Variants in MB21D2 observed in about 807,000 individuals in gnomAD.
MB21D2 encodes Mab-21 domain containing 2.
Under a neutral mutation model 33.3 loss-of-function variants are expected in MB21D2, and 9 were observed. The ratio of observed to expected loss-of-function variants is 0.27; its 90% CI spans 0.16 to 0.47. The LOEUF is 0.47. MB21D2 is among the 20% of genes least tolerant of loss of function. The probability of loss-of-function intolerance (pLI) is 0.99; values close to 1 mark genes in which losing one functional copy is unlikely to be tolerated. For synonymous variants in MB21D2, 241 were observed against 236.3 expected (o/e 1.02, Z -0.18); for missense variants, 540 against 624.6 (o/e 0.86, Z 1.44).
chr3:192,883,119 C>T (rs559103246), intron 1 of MB21D2, among the ~76,000 whole-genome samples: 20 of 152,178 alleles, frequency 1.3e-4, no homozygotes, highest in African/African-American at 3.6e-4. Flanking sequence ...CCACCCGTCT[C>T]GGCCTCCCAA....
intron 1 of MB21D2, among the ~76,000 whole-genome samples, chr3:192,864,858 C>T (rs1005606727): frequency 2.0e-5 from 3 of 152,158 alleles, no homozygotes; most frequent in African/African-American, 7.2e-5. Context: ...TCACCCAGAG[C>T]ACTGTTATTT....
At chr3:192,878,200 C>T (rs1245152746) in intron 1 of MB21D2, among the ~76,000 whole-genome samples, 3 of 147,542 alleles carry the variant, frequency 2.0e-5, no homozygotes, top group East Asian at 2.0e-4. Flanking sequence ...CGCGGGTTCA[C>T]GCCCTCCTCT....
intron 1 of MB21D2, among the ~76,000 whole-genome samples, chr3:192,818,982 C>T (rs1020929815): frequency 2.9e-5 from 3 of 104,972 alleles, no homozygotes; most frequent in African/African-American, 1.7e-4. Context: ...ATCCGAGAGG[C>T]AGGAATTGAG....
chr3:192,900,425 A>G (rs1714071115), intron 1 of MB21D2, among the ~76,000 whole-genome samples: 1 of 152,180 alleles, frequency 6.6e-6, no homozygotes, highest in Non-Finnish European at 1.5e-5. Context: ...GTTGTCATGA[A>G]AGCCAAGGGA....
chr3:192,896,366 GC>G (rs1216802846), intron 1 of MB21D2, among the ~76,000 whole-genome samples: 1 of 151,902 alleles, frequency 6.6e-6, no homozygotes, highest in Non-Finnish European at 1.5e-5. Context: ...AGCGTCCTTC[GC>G]CTTTTTTTGT....
At chr3:192,868,088 C>A (rs1713207412) in intron 1 of MB21D2, among the ~76,000 whole-genome samples, 1 of 152,150 alleles carries the variant, frequency 6.6e-6, no homozygotes, top group South Asian at 2.1e-4. Context: ...TTATTTTAAG[C>A]CACTAAGTTT....
intron 1 of MB21D2, among the ~76,000 whole-genome samples, chr3:192,835,272 G>A (rs1285405094): frequency 6.7e-6 from 1 of 150,166 alleles, no homozygotes; most frequent in Non-Finnish European, 1.5e-5. Flanking sequence ...GGCTAGCACG[G>A]TGAAACACCG....
intron 1 of MB21D2, among the ~76,000 whole-genome samples, chr3:192,910,456 C>G (rs1387296922): frequency 1.3e-5 from 2 of 152,060 alleles, no homozygotes; most frequent in Admixed American, 6.6e-5. Context: ...CCAGCCTGGG[C>G]AACAGAGTGA....
At chr3:192,903,486 T>C (rs1714145087) in intron 1 of MB21D2, among the ~76,000 whole-genome samples, 1 of 152,194 alleles carries the variant, frequency 6.6e-6, no homozygotes, top group Non-Finnish European at 1.5e-5. Context: ...TTGAAAAAAG[T>C]TCATAGTTAT....
At chr3:192,813,180 G>A (rs939742339) in intron 1 of MB21D2, among the ~76,000 whole-genome samples, 3 of 152,096 alleles carry the variant, frequency 2.0e-5, no homozygotes, top group African/African-American at 4.8e-5. Context: ...GATCATCTAG[G>A]TTGAGCCAAG....
chr3:192,838,077 T>C (rs1252654688), intron 1 of MB21D2, among the ~76,000 whole-genome samples: 1 of 152,238 alleles, frequency 6.6e-6, no homozygotes, highest in Non-Finnish European at 1.5e-5. Context: ...ACATCACTCG[T>C]GGCTGGAGCT....
At chr3:192,828,615 T>TTTTGAG (rs1712238507) in intron 1 of MB21D2, among the ~76,000 whole-genome samples, 1 of 9,208 alleles carries the variant, frequency 1.1e-4, no homozygotes, top group Non-Finnish European at 1.8e-4. Flanking sequence ...TATATATATA[T>TTTTGAG]ATATATATAT....
intron 1 of MB21D2, among the ~76,000 whole-genome samples, chr3:192,820,911 G>A (rs1406865421): frequency 6.6e-6 from 1 of 152,056 alleles, no homozygotes; most frequent in Non-Finnish European, 1.5e-5. Flanking sequence ...ACTACAGGCG[G>A]TGCCACCACA....
At chr3:192,912,252 C>T (rs986604923) in intron 1 of MB21D2, among the ~76,000 whole-genome samples, 1 of 152,114 alleles carries the variant, frequency 6.6e-6, no homozygotes, top group African/African-American at 2.4e-5. Context: ...AGTTTTTGTT[C>T]ACCATTTTAT....
chr3:192,917,773 G>T lies in MB21D2; in HGVS notation c.68C>A (p.Pro23Gln). The T allele has an allele frequency of 1.2e-6, 2 of 1,613,842 alleles. No homozygotes were observed. Residue 23 changes from proline to glutamine, a missense_variant, in exon 1 of 2, where the codon CCG (proline) becomes CAG (glutamine). Coordinates refer to ENST00000392452, the MANE Select transcript of MB21D2 (RefSeq NM_178496.4). ...SLGCNNKPAFPELDFRSGARV... is the reference protein window; with the variant it reads ...SLGCNNKPAFQELDFRSGARV... ...AGCTCCCGACCTGAAATCCAGCTCC[G>T]GGAACGCAGGCTTGTTGTTACAGCC...
intron 1 of MB21D2, among the ~76,000 whole-genome samples, chr3:192,909,678 C>G (rs555844179): frequency 6.6e-6 from 1 of 152,188 alleles, no homozygotes; most frequent in Non-Finnish European, 1.5e-5. Flanking sequence ...CGCCTGTAAT[C>G]CCAGCACTTT....
At chr3:192,871,456 A>G (rs1395443471) in intron 1 of MB21D2, among the ~76,000 whole-genome samples, 1 of 152,216 alleles carries the variant, frequency 6.6e-6, no homozygotes, top group South Asian at 2.1e-4. Context: ...AGAACACAGA[A>G]TAACACAGAG....
At chr3:192,889,684 GC>G (rs1482543323) in intron 1 of MB21D2, among the ~76,000 whole-genome samples, 2 of 151,982 alleles carry the variant, frequency 1.3e-5, no homozygotes, top group Admixed American at 1.3e-4. Context: ...TGACTCTCAA[GC>G]CCAAGCCAAA....
At chr3:192,903,166 A>C (rs1307011141) in intron 1 of MB21D2, among the ~76,000 whole-genome samples, 1 of 152,250 alleles carries the variant, frequency 6.6e-6, no homozygotes, top group Admixed American at 6.5e-5. Flanking sequence ...CTGTCTTCAA[A>C]GTCAGCAGAA....
Sources: gnomAD v4.1 joint callset for allele counts (sites outside exome capture counted in the v4.1 genomes callset) on GRCh38, gnomAD v4.1.1 for gene constraint, MANE v1.5 for transcripts, NCBI Gene and HGNC (gene_info 2026-07-23, HGNC 2026-07-21) for gene names.